Variants in STK3 observed in about 807,000 individuals in gnomAD.
STK3 encodes serine/threonine-protein kinase 3.
Under a neutral mutation model 58.0 loss-of-function variants are expected in STK3, and 41 were observed. The observed-to-expected ratio is 0.71, with a 90% confidence interval of 0.55 to 0.92. STK3 has a LOEUF of 0.92. Among genes scored for constraint, STK3 ranks in the 40% least tolerant of loss-of-function variants. STK3 has a pLI of 0.00. For synonymous variants in STK3, 170 were observed against 191.0 expected (o/e 0.89, Z 0.91); for missense variants, 479 against 602.7 (o/e 0.79, Z 2.15).
intron 3 of STK3, among the ~76,000 whole-genome samples, chr8:98,869,851 T>A (rs1837303608): frequency 6.6e-6 from 1 of 151,896 alleles, no homozygotes; most frequent in Admixed American, 6.6e-5. Context: ...TTTTTTTTAT[T>A]ATTATTATTA....
intron 9 of STK3, among the ~76,000 whole-genome samples, chr8:98,536,958 C>A (rs1465258650): frequency 6.6e-6 from 1 of 152,152 alleles, no homozygotes; most frequent in Non-Finnish European, 1.5e-5. Flanking sequence ...GGTTTTTTTA[C>A]AGGCTGACCT....
chr8:98,598,293 G>C (rs1485762611), intron 6 of STK3: 28 of 985,204 alleles, frequency 2.8e-5, no homozygotes, highest in Non-Finnish European at 3.3e-5. Context: ...GTAGCTATTA[G>C]AAACCCAAGG....
rs182864715 is a variant in STK3 at position 98,896,889 on chromosome 8, G to A, written c.-78-13055C>T. ...AGCTACTCGGGAGGCTGAGGTGGGAGGATAGCTTGAGCCCAATAGGTGGAG... is the reference window on the plus strand; with the variant it reads ...AGCTACTCGGGAGGCTGAGGTGGGAAGATAGCTTGAGCCCAATAGGTGGAG... On this transcript the variant is annotated intron_variant, in intron 1 of 1. Coordinates refer to the STK3 transcript ENST00000519420. 2.0e-3 allele frequency among the ~76,000 whole-genome samples: 310 copies of A among 152,252 alleles called. 1 individual carries two copies. Among genetic ancestry groups the A allele is most frequent in the Middle Eastern group, 0.014 (4 of 294 alleles).
chr8:98,677,091 A>T (rs2130873682), intron 6 of STK3, among the ~76,000 whole-genome samples: 1 of 152,350 alleles, frequency 6.6e-6, no homozygotes, highest in Non-Finnish European at 1.5e-5. Context: ...GGGCAGGAGC[A>T]GGTTATAGAC....
upstream of STK3, among the ~76,000 whole-genome samples, chr8:98,827,452 T>C (rs1835356131): frequency 6.6e-6 from 1 of 152,194 alleles, no homozygotes; most frequent in Non-Finnish European, 1.5e-5. Context: ...GAAGAGAATG[T>C]TGAATAATGT....
downstream of STK3, among the ~76,000 whole-genome samples, chr8:98,399,316 G>A (rs1269473833): frequency 6.6e-6 from 1 of 152,256 alleles, no homozygotes; most frequent in African/African-American, 2.4e-5. Context: ...CACCACATAT[G>A]TTTCTGGGTT....
intron 3 of STK3, among the ~76,000 whole-genome samples, chr8:98,864,415 G>A (rs1255116387): frequency 6.6e-6 from 1 of 152,130 alleles, no homozygotes; most frequent in African/African-American, 2.4e-5. Flanking sequence ...ACAGCTGTAT[G>A]CACCAGGAAC....
In STK3 at chr8:98,818,729, A is replaced by T. The variant is rs1001477507; in HGVS notation, c.26+6786T>A. On this transcript the variant is annotated intron_variant, in intron 1 of 10. Transcript: ENST00000419617. ...AACACTTTGTAATTCTCATTTTGCT[A>T]TGAGTCATTTTTCAAGATATACTCC... Among the ~76,000 whole-genome samples, 3 of 152,182 alleles carry T rather than the reference A, an allele frequency of 2.0e-5. No homozygotes were observed. In the East Asian group the frequency reaches 5.8e-4, roughly 29 times the overall value.
chr8:98,809,130 T>A (rs1453341549), intron 1 of STK3, among the ~76,000 whole-genome samples: 1 of 152,210 alleles, frequency 6.6e-6, no homozygotes, highest in Non-Finnish European at 1.5e-5. Flanking sequence ...CTTCCAGACC[T>A]CACCCTATGT....
downstream of STK3, among the ~76,000 whole-genome samples, chr8:98,397,831 GT>G (rs1475445342): frequency 6.6e-6 from 1 of 152,154 alleles, no homozygotes; most frequent in Non-Finnish European, 1.5e-5. Flanking sequence ...TTGCCCGCTT[GT>G]TCTCTGTCTC....
At chr8:98,779,222 T>C (rs1159169205) in intron 1 of STK3, among the ~76,000 whole-genome samples, 1 of 152,022 alleles carries the variant, frequency 6.6e-6, no homozygotes, top group East Asian at 1.9e-4. Flanking sequence ...AAGCCTGCCG[T>C]TGTTTGTTGT....
At chr8:98,532,854 C>T (rs1422385333) in intron 9 of STK3, among the ~76,000 whole-genome samples, 1 of 152,114 alleles carries the variant, frequency 6.6e-6, no homozygotes, top group Non-Finnish European at 1.5e-5. Flanking sequence ...TTTTCCCCTA[C>T]CTCTAGCAAC....
At chr8:98,461,745 C>G (rs1285795867) in intron 10 of STK3, among the ~76,000 whole-genome samples, 1 of 152,088 alleles carries the variant, frequency 6.6e-6, no homozygotes, top group Admixed American at 6.5e-5. Flanking sequence ...ATTTATGGAA[C>G]AGTTTTGCTG....
intron 6 of STK3, among the ~76,000 whole-genome samples, chr8:98,617,094 G>A (rs867268311): frequency 2.0e-5 from 3 of 150,936 alleles, no homozygotes; most frequent in Non-Finnish European, 4.5e-5. Context: ...TAAAAGAACA[G>A]AAATTATAAC....
intron 3 of STK3, among the ~76,000 whole-genome samples, chr8:98,869,887 C>T (rs546791543): frequency 6.6e-6 from 1 of 150,468 alleles, no homozygotes; most frequent in African/African-American, 2.4e-5. Context: ...GGTACATGTG[C>T]ACAATGTGCA....
At chr8:98,365,224 C>T in the STK3 span, among the ~76,000 whole-genome samples, 1 of 152,336 alleles carries the variant, frequency 6.6e-6, no homozygotes, top group African/African-American at 2.4e-5. Context: ...CCAGCAAGAT[C>T]ACTGGAGTGG....
At chr8:98,568,529 C>T (rs1036097478) in intron 8 of STK3, among the ~76,000 whole-genome samples, 155 of 152,216 alleles carry the variant, frequency 1.0e-3, no homozygotes, top group African/African-American at 3.6e-3. Flanking sequence ...ACAGAGCTGC[C>T]AGAGGTAATT....
intron 3 of STK3, among the ~76,000 whole-genome samples, chr8:98,749,710 A>G (rs1829854654): frequency 6.6e-6 from 1 of 152,104 alleles, no homozygotes; most frequent in South Asian, 2.1e-4. Context: ...CCCTTTAACT[A>G]AAGCATTTTA....
intron 1 of STK3, among the ~76,000 whole-genome samples, chr8:98,811,963 C>T (rs1236585911): frequency 2.6e-5 from 4 of 152,182 alleles, no homozygotes; most frequent in African/African-American, 9.7e-5. Context: ...GTATGGGACA[C>T]CATACCCAGC....
Sources: allele counts gnomAD v4.1 joint callset (sites outside exome capture counted in the v4.1 genomes callset), GRCh38; gene constraint gnomAD v4.1.1; transcripts MANE v1.5; gene names NCBI Gene and HGNC (gene_info 2026-07-23, HGNC 2026-07-21).